The following CLNK variants were observed in gnomAD, a reference collection of about 807,000 sequenced individuals.
The protein encoded by CLNK is cytokine-dependent hematopoietic cell linker.
Under a neutral mutation model 68.6 loss-of-function variants are expected in CLNK, and 74 were observed. The observed-to-expected ratio is 1.08, with a 90% confidence interval of 0.89 to 1.31. The LOEUF is 1.31. Ranked by LOEUF, CLNK falls within the 50% of genes most tolerant of loss-of-function variation. The pLI is 0.00. For missense variants in CLNK, 553 were observed against 515.3 expected (o/e 1.07, Z -0.71); for synonymous variants, 198 against 172.2 (o/e 1.15, Z -1.17).
At chr4:10,584,736 C>G (rs569688404) in intron 4 of CLNK, among the ~76,000 whole-genome samples, 191 bp downstream of exon 4, 363 of 152,318 alleles carry the variant, frequency 2.4e-3, no homozygotes, top group Non-Finnish European at 3.9e-3. Context: ...AGCCACCCAG[C>G]CTCCAAAGCT....
chr4:10,654,077 A>C (rs1352858617), intron 2 of CLNK, among the ~76,000 whole-genome samples: 1 of 152,148 alleles, frequency 6.6e-6, no homozygotes, highest in Non-Finnish European at 1.5e-5. Context: ...GAAAATTGGG[A>C]AATACACTGC....
intron 2 of CLNK, among the ~76,000 whole-genome samples, chr4:10,655,213 T>C (rs1248144074): frequency 1.3e-5 from 2 of 152,112 alleles, no homozygotes; most frequent in Non-Finnish European, 2.9e-5. Flanking sequence ...CTCTGTCTCT[T>C]GGTCTCTCTA....
In CLNK at chr4:10,532,267, C is replaced by A; in HGVS notation, c.619G>T (p.Asp207Tyr). The A allele has an allele frequency of 6.2e-7, 1 of 1,610,776 alleles. No individual in the cohort carries two copies. The highest frequency in any genetic ancestry group is 8.5e-7 in the Non-Finnish European group (1 of 1,177,736). Reference protein sequence around the residue: ...QRMPSQISLRDLSEVLEAEKV... With the variant: ...QRMPSQISLRYLSEVLEAEKV... ...AAATTGCTACTTACCTCACTTAAGT[C>A]CCTTAAGCTTATCTGACTGCAAGAA... Residue 207 changes from aspartate to tyrosine, a missense_variant, in exon 12 of 19, where the codon GAC becomes TAC. Asp to Tyr is a radical substitution (Grantham distance 160). Coordinates refer to ENST00000226951, the MANE Select transcript of CLNK (RefSeq NM_052964.4).
At chr4:10,701,311 T>A in the CLNK span, among the ~76,000 whole-genome samples, 2 of 152,208 alleles carry the variant, frequency 1.3e-5, no homozygotes, top group African/African-American at 4.8e-5. Context: ...GCCTCTCTCT[T>A]AGCCAGTGTG....
chr4:10,606,222 G>T (rs1252211520), intron 2 of CLNK, among the ~76,000 whole-genome samples: 1 of 151,936 alleles, frequency 6.6e-6, no homozygotes, highest in African/African-American at 2.4e-5. Context: ...AAACATTTTT[G>T]TTAAAAAATT....
chr4:10,647,490 G>A (rs570485646), intron 2 of CLNK, among the ~76,000 whole-genome samples: 17 of 152,304 alleles, frequency 1.1e-4, no homozygotes, highest in Non-Finnish European at 2.4e-4. Flanking sequence ...TAATTCCAGT[G>A]AAGAACAAGA....
intron 1 of CLNK, among the ~76,000 whole-genome samples, chr4:10,674,460 T>C (rs1724792690): frequency 6.6e-6 from 1 of 152,236 alleles, no homozygotes; most frequent in Non-Finnish European, 1.5e-5. Flanking sequence ...ATGCTCATAA[T>C]GAATTTACTT....
chr4:10,614,510 C>A (rs181272072), intron 2 of CLNK, among the ~76,000 whole-genome samples: 1 of 152,116 alleles, frequency 6.6e-6, no homozygotes, highest in Non-Finnish European at 1.5e-5. Context: ...CTGGCCAGAT[C>A]TGTTTTTCAG....
chr4:10,641,284 A>C (rs1723298743), intron 2 of CLNK, among the ~76,000 whole-genome samples: 1 of 152,056 alleles, frequency 6.6e-6, no homozygotes. Context: ...GAATGTTGTT[A>C]CTGGGGTTTT....
At chr4:10,616,784 G>GTATACA (rs1323743699) in intron 2 of CLNK, among the ~76,000 whole-genome samples, 17 of 11,184 alleles carry the variant, frequency 1.5e-3, no homozygotes, top group African/African-American at 2.7e-3. Flanking sequence ...ATATATGTGT[G>GTATACA]TGTGTGTATA....
At chr4:10,728,231 T>C in the CLNK span, among the ~76,000 whole-genome samples, 3 of 152,186 alleles carry the variant, frequency 2.0e-5, no homozygotes, top group Non-Finnish European at 4.4e-5. Context: ...GAAACCATGA[T>C]GCAACTCCTT....
chr4:10,686,600 C>T (rs924438038), upstream of CLNK, among the ~76,000 whole-genome samples: 2 of 150,208 alleles, frequency 1.3e-5, no homozygotes, highest in Non-Finnish European at 3.0e-5. Flanking sequence ...ACTCCAGCCT[C>T]CAGCCTTTTC....
At chr4:10,652,448 T>G (rs904402814) in intron 2 of CLNK, among the ~76,000 whole-genome samples, 3 of 151,292 alleles carry the variant, frequency 2.0e-5, no homozygotes, top group Non-Finnish European at 4.4e-5. Context: ...ATTCTGTATG[T>G]TTTTTATAAG....
chr4:10,704,489 G>A, the CLNK span, among the ~76,000 whole-genome samples: 1 of 151,608 alleles, frequency 6.6e-6, no homozygotes, highest in Non-Finnish European at 1.5e-5. Flanking sequence ...GCTGATGCCA[G>A]CTCCCTACTC....
chr4:10,661,954 C>T lies in CLNK; in HGVS notation c.11+5905G>A, dbSNP rs117606932. 2.6e-4 allele frequency among the ~76,000 whole-genome samples: 40 copies of T among 152,290 alleles called. No homozygotes were observed. The East Asian group carries it at 6.9e-3, about 26-fold the overall frequency. ...TATACCTCTACGAATCTCTCCACCT[C>T]TAAATATCTATCTCTATTTTATTGT... On this transcript the variant is annotated intron_variant, in intron 2 of 18. Coordinates refer to ENST00000226951, the MANE Select transcript of CLNK (RefSeq NM_052964.4).
In CLNK at chr4:10,487,613, T is replaced by A. The variant is rs1716395112; in HGVS notation, c.*2854A>T. On this transcript the variant is annotated 3_prime_UTR_variant, in exon 19 of 19. Coordinates refer to ENST00000226951, the MANE Select transcript of CLNK (RefSeq NM_052964.4). The stretch of plus-strand genomic sequence containing the variant: ...TGCGCCTTCTGGATTGGCCACAGCA[T>A]TTGCAGGTCTTTTTTTTTTGTTGTT... 1 of 152,246 alleles carries A rather than the reference T, an allele frequency of 6.6e-6. No homozygotes were observed. The highest frequency in any genetic ancestry group is 2.1e-4 in the South Asian group (1 of 4,824). 9.4% of individuals were successfully genotyped at this position (152,246 alleles called of 1,614,324 possible). A position where few individuals can be genotyped will look rare whatever the true frequency, so the allele number is the denominator to read the frequency against.
At chr4:10,538,790 A>G (rs924320319) in intron 11 of CLNK, among the ~76,000 whole-genome samples, 3 of 152,236 alleles carry the variant, frequency 2.0e-5, no homozygotes, top group African/African-American at 7.2e-5. Flanking sequence ...GGCTGGAAGA[A>G]ACAGACTTGT....
chr4:10,606,386 G>A (rs946031590), intron 2 of CLNK, among the ~76,000 whole-genome samples: 5 of 151,746 alleles, frequency 3.3e-5, no homozygotes, highest in Admixed American at 6.6e-5. Context: ...GCCTTCTTCC[G>A]GAATCCCTCC....
chr4:10,548,683 T>C (rs985280094), intron 8 of CLNK, among the ~76,000 whole-genome samples: 5 of 152,318 alleles, frequency 3.3e-5, no homozygotes, highest in Admixed American at 3.3e-4. Flanking sequence ...TTTCCTTGCA[T>C]GGTGTGAGGA....
Sources: allele counts gnomAD v4.1 joint callset (sites outside exome capture counted in the v4.1 genomes callset), GRCh38; gene constraint gnomAD v4.1.1; transcripts MANE v1.5; gene names NCBI Gene and HGNC (gene_info 2026-07-23, HGNC 2026-07-21).